Variants in DAP observed in about 807,000 individuals in gnomAD.
The protein encoded by DAP is death-associated protein 1.
A neutral mutation model predicts 13.8 loss-of-function variants in DAP; 8 were observed. The ratio of observed to expected loss-of-function variants is 0.58; its 90% CI spans 0.34 to 1.05. The LOEUF (loss-of-function observed/expected upper bound fraction) is 1.05. Among genes scored for constraint, DAP ranks in the 50% least tolerant of loss-of-function variants. DAP has a pLI of 0.03. For synonymous variants in DAP, 47 were observed against 47.5 expected (o/e 0.99, Z 0.04); for missense variants, 106 against 133.2 (o/e 0.80, Z 1.01).
chr5:10,735,625 T>C (rs1739589546), intron 2 of DAP, among the ~76,000 whole-genome samples: 1 of 152,226 alleles, frequency 6.6e-6, no homozygotes, highest in Admixed American at 6.5e-5. Context: ...TTTTTCTTAA[T>C]TGATGGAGTG....
At chr5:10,688,729 G>A (rs946262403) in intron 2 of DAP, among the ~76,000 whole-genome samples, 1 of 152,216 alleles carries the variant, frequency 6.6e-6, no homozygotes, top group Non-Finnish European at 1.5e-5. Flanking sequence ...GAGGCTAAAG[G>A]AGATCCCCAG....
chr5:10,730,747 G>A (rs1739435551), intron 2 of DAP, among the ~76,000 whole-genome samples: 1 of 125,432 alleles, frequency 8.0e-6, no homozygotes. Flanking sequence ...CCTGGTGGGG[G>A]GAATCTTTCT....
intron 2 of DAP, among the ~76,000 whole-genome samples, chr5:10,746,871 A>C (rs1451023537): frequency 1.1e-4 from 17 of 152,158 alleles, no homozygotes. Flanking sequence ...AAGAACATGC[A>C]CCACTTCCTC....
At chr5:10,730,545 T>G (rs112736784) in intron 2 of DAP, among the ~76,000 whole-genome samples, 1 of 139,956 alleles carries the variant, frequency 7.1e-6, no homozygotes, top group African/African-American at 2.7e-5. Flanking sequence ...AGAGCCCTGG[T>G]AGGGGGAATC....
At chr5:10,718,415 G>T (rs1400527807) in intron 2 of DAP, among the ~76,000 whole-genome samples, 5 of 152,188 alleles carry the variant, frequency 3.3e-5, no homozygotes, top group African/African-American at 4.8e-5. Flanking sequence ...TGAGGTGAGG[G>T]CTATTATGGT....
chr5:10,688,175 G>A (rs1442135500), intron 2 of DAP, among the ~76,000 whole-genome samples: 1 of 151,790 alleles, frequency 6.6e-6, no homozygotes, highest in East Asian at 1.9e-4. Flanking sequence ...CTTGACCTCC[G>A]AAAGTGCTAG....
chr5:10,731,481 A>G (rs1739459933), intron 2 of DAP, among the ~76,000 whole-genome samples: 1 of 152,310 alleles, frequency 6.6e-6, no homozygotes, highest in Non-Finnish European at 1.5e-5. Context: ...CCCAGGCTCC[A>G]GGTCCTAACA....
At chr5:10,713,030 C>T in intron 2 of DAP, among the ~76,000 whole-genome samples, 1 of 152,124 alleles carries the variant, frequency 6.6e-6, no homozygotes, top group African/African-American at 2.4e-5. Context: ...GAAAACCAAC[C>T]AACCAGCCGA....
Position 10,730,372 on chromosome 5 carries a change from C to T in DAP, c.152+17803G>A, listed in dbSNP as rs533747307. The stretch of plus-strand genomic sequence containing the variant: ...AATTATGAGGACACGAAACCCTGTC[C>T]TATACAAATCTACTACAAGAGTGGG... On this transcript the variant is annotated intron_variant, in intron 2 of 3. Coordinates refer to ENST00000230895, the MANE Select transcript of DAP (RefSeq NM_004394.3). Among the ~76,000 whole-genome samples, 3 of 152,324 alleles carry T rather than the reference C, an allele frequency of 2.0e-5. No homozygotes were observed. In the East Asian group the frequency reaches 5.8e-4, roughly 29 times the overall value.
chr5:10,734,639 A>G (rs975578496), intron 2 of DAP, among the ~76,000 whole-genome samples: 1 of 152,050 alleles, frequency 6.6e-6, no homozygotes, highest in Non-Finnish European at 1.5e-5. Context: ...TCTGAGCAAA[A>G]CTCCTTAAAA....
chr5:10,738,842 A>G (rs942220673), intron 2 of DAP, among the ~76,000 whole-genome samples: 1 of 152,202 alleles, frequency 6.6e-6, no homozygotes, highest in African/African-American at 2.4e-5. Flanking sequence ...AGAGTAAAAG[A>G]GCTCTTCAGA....
intron 3 of DAP, among the ~76,000 whole-genome samples, chr5:10,682,728 C>T (rs1738055727): frequency 6.6e-6 from 1 of 152,262 alleles, no homozygotes; most frequent in Admixed American, 6.5e-5. Flanking sequence ...CACACACTGG[C>T]AGGACAGCAA....
intron 2 of DAP, among the ~76,000 whole-genome samples, chr5:10,716,815 G>A (rs560968963): frequency 2.0e-5 from 3 of 152,088 alleles, no homozygotes; most frequent in Non-Finnish European, 2.9e-5. Flanking sequence ...GTCCCTCTAG[G>A]GAACTCTGAG....
At chr5:10,713,027 A>AACCAACCAGCCG (rs1434986196) in intron 2 of DAP, among the ~76,000 whole-genome samples, 3 of 152,056 alleles carry the variant, frequency 2.0e-5, no homozygotes, top group African/African-American at 4.8e-5. Context: ...AGGGAAAACC[A>AACCAACCAGCCG]ACCAACCAGC....
At position 10,733,161 on chromosome 5, in the gene DAP, T is replaced by C. The variant is rs1054886845; in HGVS notation, c.152+15014A>G. Among the ~76,000 whole-genome samples, 373 of 53,512 alleles carry C rather than the reference T, an allele frequency of 7.0e-3. 1 individual carries two copies. The highest frequency in any genetic ancestry group is 0.022 in the African/African-American group (349 of 15,632). The allele number at this position is 53,512 out of a possible 152,430, so 35.1% of individuals were successfully genotyped here. A position where few individuals can be genotyped will look rare whatever the true frequency, so the allele number is the denominator to read the frequency against. On this transcript the variant is annotated intron_variant, in intron 2 of 3. Transcript: ENST00000230895. ...AGGTTGAATAATATTCCTGCGTGTGTGTGTGTGTGTGTGTGTGTGTGTGTG... is the reference window on the plus strand; with the variant it reads ...AGGTTGAATAATATTCCTGCGTGTGCGTGTGTGTGTGTGTGTGTGTGTGTG...
At chr5:10,693,496 TG>T (rs2126640488) in intron 2 of DAP, among the ~76,000 whole-genome samples, 1 of 152,368 alleles carries the variant, frequency 6.6e-6, no homozygotes, top group South Asian at 2.1e-4. Flanking sequence ...GACCAGGTGC[TG>T]AGTTAGGCGC....
At position 10,693,160 on chromosome 5, in the gene DAP, A is replaced by C. The variant is rs371620857; in HGVS notation, c.153-9589T>G. 5.3e-3 allele frequency among the ~76,000 whole-genome samples: 475 copies of C among 90,328 alleles called. 1 individual carries two copies. The highest frequency in any genetic ancestry group is 0.034 in the South Asian group (99 of 2,918). 59.3% of individuals were successfully genotyped at this position (90,328 alleles called of 152,430 possible). On this transcript the variant is annotated intron_variant, in intron 2 of 3. Coordinates refer to ENST00000230895, the MANE Select transcript of DAP (RefSeq NM_004394.3). ...CACACACACACACACACACGTGCGT[A>C]GTAGTAGTGAAACTGGGAATCTGGT...
intron 2 of DAP, among the ~76,000 whole-genome samples, chr5:10,712,261 C>T (rs906116862): frequency 3.3e-5 from 5 of 152,238 alleles, no homozygotes; most frequent in African/African-American, 4.8e-5. Flanking sequence ...ACCTCCAGAA[C>T]TGTGAGACAG....
At chr5:10,745,693 T>C (rs1156479006) in intron 2 of DAP, among the ~76,000 whole-genome samples, 2 of 152,240 alleles carry the variant, frequency 1.3e-5, no homozygotes. Context: ...CTATCTCTCA[T>C]TGTATTGACA....
Sources: allele counts gnomAD v4.1 joint callset (sites outside exome capture counted in the v4.1 genomes callset), GRCh38; gene constraint gnomAD v4.1.1; transcripts MANE v1.5; gene names NCBI Gene and HGNC (gene_info 2026-07-23, HGNC 2026-07-21).